Variants in PCDHA1 observed in about 807,000 individuals in gnomAD.
PCDHA1 encodes the protein protocadherin alpha 1.
Under a neutral mutation model 61.3 loss-of-function variants are expected in PCDHA1, and 42 were observed. That is an observed-to-expected ratio of 0.69 (90% confidence interval 0.54 to 0.89). The LOEUF is 0.89. PCDHA1 is among the 40% of genes least tolerant of loss of function. The pLI is 0.00. For missense variants in PCDHA1, 1,256 were observed against 1,235.3 expected, an observed-to-expected ratio of 1.02 and a Z score of -0.25; for synonymous variants, 610 against 553.8, an observed-to-expected ratio of 1.10 and a Z score of -1.43.
In PCDHA1 at chr5:141,011,716, A is replaced by G. The variant is rs975588316; in HGVS notation, c.*1779A>G. 6.5e-6 allele frequency: 1 copy of G among 153,764 alleles called. No homozygotes were observed. Among genetic ancestry groups the G allele is most frequent in the African/African-American group, 2.4e-5 (1 of 41,450 alleles). 9.5% of individuals were successfully genotyped at this position (153,764 alleles called of 1,614,324 possible). On this transcript the variant is annotated 3_prime_UTR_variant, in exon 4 of 4. Transcript: ENST00000504120. Reference sequence around the variant, plus strand: ...TTGGAATGAATACTGACAATATTCCATGAGGGTGTGCAAGCACAAATTTTA... The same window carrying G: ...TTGGAATGAATACTGACAATATTCCGTGAGGGTGTGCAAGCACAAATTTTA...
At chr5:140,796,407 T>C in intron 1 of PCDHA1, 2 of 1,613,756 alleles carry the variant, frequency 1.2e-6, no homozygotes, top group Non-Finnish European at 1.7e-6. Context: ...CAGCGTGGGA[T>C]GCGGACGCGC....
At chr5:140,961,887 G>GTTT (rs35680913) in intron 1 of PCDHA1, among the ~76,000 whole-genome samples, 3 of 143,936 alleles carry the variant, frequency 2.1e-5, no homozygotes, top group Non-Finnish European at 3.1e-5. Context: ...ACTTACATCA[G>GTTT]TTTTTTTTTT....
chr5:140,884,503 A>C (rs782488569), intron 1 of PCDHA1: 82 of 1,613,940 alleles, frequency 5.1e-5, no homozygotes, highest in Middle Eastern at 1.6e-4. Flanking sequence ...CCAGCGCGGC[A>C]GGGAGTTGGT....
At chr5:140,879,235 A>G (rs904336289) in intron 1 of PCDHA1, among the ~76,000 whole-genome samples, 5 of 152,240 alleles carry the variant, frequency 3.3e-5, no homozygotes, top group Middle Eastern at 3.2e-3. Flanking sequence ...CATATACAAG[A>G]GGCACTGGCA....
chr5:140,803,293 A>G, intron 1 of PCDHA1: 2 of 1,614,074 alleles, frequency 1.2e-6, no homozygotes, highest in African/African-American at 1.3e-5. Context: ...GTCAACGTGT[A>G]CTTGATCGTC....
At position 140,884,316 on chromosome 5, in the gene PCDHA1, C is replaced by T. The variant is rs563652109; in HGVS notation, c.2395-94633C>T. The T allele has an allele frequency of 3.1e-6, 5 of 1,613,752 alleles. No individual in the cohort carries two copies. The East Asian group carries it at 8.9e-5, about 29-fold the overall frequency. On this transcript the variant is annotated intron_variant, in intron 1 of 3. Coordinates refer to ENST00000504120, the MANE Select transcript of PCDHA1 (RefSeq NM_018900.4). ...GCGCCACAGGCTTCGTCGAGGGCGT[C>T]GGCAGGCGCTGTGGGTCCAGAAGCG...
At chr5:140,835,546 C>A (rs1340907598) in intron 1 of PCDHA1, 1 of 1,613,946 alleles carries the variant, frequency 6.2e-7, no homozygotes, top group African/African-American at 1.3e-5. Context: ...GTTACCTGCT[C>A]CCTGACGCCC....
intron 1 of PCDHA1, chr5:140,828,582 C>A: frequency 6.2e-7 from 1 of 1,614,224 alleles, no homozygotes; most frequent in Non-Finnish European, 8.5e-7. Context: ...GATGTTGGCT[C>A]AAATTCCATC....
chr5:140,822,265 A>C, intron 1 of PCDHA1: 1 of 1,614,272 alleles, frequency 6.2e-7, no homozygotes, highest in Non-Finnish European at 8.5e-7. Flanking sequence ...TATTGGAGCA[A>C]ATGCACAATT....
intron 1 of PCDHA1, among the ~76,000 whole-genome samples, chr5:140,973,346 T>C (rs1554235179): frequency 1.3e-5 from 2 of 152,198 alleles, no homozygotes; most frequent in Non-Finnish European, 2.9e-5. Flanking sequence ...AGTGACATAG[T>C]AGTGAATTTA....
intron 1 of PCDHA1, among the ~76,000 whole-genome samples, chr5:140,792,045 CTG>C (rs1249809355): frequency 2.6e-5 from 4 of 152,156 alleles, no homozygotes; most frequent in Non-Finnish European, 5.9e-5. Context: ...TACAGAGTCT[CTG>C]TAAGAATAAA....
In PCDHA1 at chr5:140,786,342, C is replaced by T. The variant is rs1761300459; in HGVS notation, c.52C>T (p.Leu18Phe). Residue 18 changes from leucine to phenylalanine, a missense_variant, in exon 1 of 4, where the codon CTT (leucine) becomes TTT (phenylalanine). Transcript: ENST00000504120. ...GLGARDLLLW[L>F]LLLAAWEVGS... ...GGGAGCCCGGGATCTGCTTCTTTGG[C>T]TTCTGCTCCTCGCAGCCTGGGAGGT... 1.2e-6 allele frequency: 2 copies of T among 1,613,742 alleles called. No homozygotes were observed. Among genetic ancestry groups the T allele is most frequent in the South Asian group, 2.2e-5 (2 of 91,038 alleles).
At chr5:140,996,795 C>G (rs1554255407) in intron 3 of PCDHA1, among the ~76,000 whole-genome samples, 1 of 152,170 alleles carries the variant, frequency 6.6e-6, no homozygotes, top group East Asian at 1.9e-4. Flanking sequence ...CTCCCTACAT[C>G]CAATCATGCT....
chr5:141,000,371 CT>C (rs2153963893), intron 3 of PCDHA1, among the ~76,000 whole-genome samples: 1 of 49,262 alleles, frequency 2.0e-5, no homozygotes, highest in East Asian at 6.6e-4. Context: ...GTCTCTCTCT[CT>C]CTCTCTCTCT....
At chr5:140,828,423 A>G (rs2150155185) in intron 1 of PCDHA1, 29 of 1,614,154 alleles carry the variant, frequency 1.8e-5, no homozygotes. Flanking sequence ...GTGATCGTGG[A>G]CAGGCCGCTG....
At chr5:140,828,586 T>A (rs1769839887) in intron 1 of PCDHA1, 1 of 1,614,124 alleles carries the variant, frequency 6.2e-7, no homozygotes, top group African/African-American at 1.3e-5. Flanking sequence ...TTGGCTCAAA[T>A]TCCATCTTAA....
intron 1 of PCDHA1, chr5:140,848,980 T>C (rs1554142681): frequency 1.9e-6 from 3 of 1,599,772 alleles, no homozygotes; most frequent in Non-Finnish European, 1.7e-6. Flanking sequence ...GATGCAGATA[T>C]CGGGGAGAAC....
rs377373799 is a variant in PCDHA1, at chr5:141,009,886, C to G, written c.2802C>G (p.Thr934=). 3.3e-5 allele frequency: 54 copies of G among 1,612,722 alleles called. No individual in the cohort carries two copies. The highest frequency in any genetic ancestry group is 4.6e-5 in the Non-Finnish European group (54 of 1,179,784). The stretch of plus-strand genomic sequence containing the variant: ...AGAAAAAGAAGAAGGGTAACAAGAC[C>G]CAGGAGAAAAAAGAGAAAGGGAACA... ...KKKKKKKGNK[T]QEKKEKGNST... Residue 934 remains threonine (T), a synonymous_variant, in exon 4 of 4, where the codon ACC becomes ACG. Transcript: ENST00000504120.
At chr5:140,823,217 C>T (rs1554129201) in intron 1 of PCDHA1, 1 of 1,613,776 alleles carries the variant, frequency 6.2e-7, no homozygotes, top group Non-Finnish European at 8.5e-7. Flanking sequence ...GCACGGGACG[C>T]GGACGCGCAG....
Sources: allele counts gnomAD v4.1 joint callset (sites outside exome capture counted in the v4.1 genomes callset), GRCh38; gene constraint gnomAD v4.1.1; transcripts MANE v1.5; gene names NCBI Gene and HGNC (gene_info 2026-07-23, HGNC 2026-07-21).